PDE12: variants seen among roughly 807,000 people sequenced by gnomAD.
PDE12 encodes the protein 2',5'-phosphodiesterase 12.
Under a neutral mutation model 45.4 loss-of-function variants are expected in PDE12, and 26 were observed. That is an observed-to-expected ratio of 0.57 (90% confidence interval 0.42 to 0.79). The LOEUF is 0.79. Among genes scored for constraint, PDE12 ranks in the 30% least tolerant of loss-of-function variants. The pLI, the probability that PDE12 is intolerant of heterozygous loss-of-function variation, is 0.00. For synonymous variants in PDE12, 283 were observed against 323.9 expected (o/e 0.87, Z 1.36); for missense variants, 668 against 790.0 (o/e 0.85, Z 1.85).
chr3:57,622,436 T>C, the PDE12 span, among the ~76,000 whole-genome samples: 2 of 152,310 alleles, frequency 1.3e-5, no homozygotes, highest in African/African-American at 4.8e-5. Flanking sequence ...AAAATGTTAG[T>C]TGGGACATGG....
chr3:57,614,471 TCATTATA>T, the PDE12 span, among the ~76,000 whole-genome samples: 1 of 151,464 alleles, frequency 6.6e-6, no homozygotes, highest in Non-Finnish European at 1.5e-5. Context: ...GATCAAGAAG[TCATTATA>T]TAAAAAAGAC....
At chr3:57,573,586 C>T in the PDE12 span, among the ~76,000 whole-genome samples, 2 of 152,014 alleles carry the variant, frequency 1.3e-5, no homozygotes, top group Non-Finnish European at 2.9e-5. Context: ...ATTGATTGAT[C>T]GACTGATTGT....
At chr3:57,624,880 CAAT>C in the PDE12 span, among the ~76,000 whole-genome samples, 1 of 152,178 alleles carries the variant, frequency 6.6e-6, no homozygotes, top group Non-Finnish European at 1.5e-5. Flanking sequence ...GAGAATCTAG[CAAT>C]AATTGAGTTT....
At chr3:57,652,504 C>T in the PDE12 span, among the ~76,000 whole-genome samples, 1 of 152,188 alleles carries the variant, frequency 6.6e-6, no homozygotes, top group Admixed American at 6.5e-5. Context: ...CTAAGCAGCT[C>T]CCAGATTTCC....
chr3:57,644,563 C>T, the PDE12 span, among the ~76,000 whole-genome samples: 1 of 150,520 alleles, frequency 6.6e-6, no homozygotes, highest in Non-Finnish European at 1.5e-5. Context: ...CCGCCTCAGC[C>T]TACCAAAGTG....
At chr3:57,601,350 C>T in the PDE12 span, among the ~76,000 whole-genome samples, 1 of 152,036 alleles carries the variant, frequency 6.6e-6, no homozygotes. Context: ...CCTAGGTGGT[C>T]CACCCACCTC....
At chr3:57,559,274 G>A in intron 1 of PDE12, 36 bp from the exon 2 acceptor site, 1 of 1,488,050 alleles carries the variant, frequency 6.7e-7, no homozygotes, top group South Asian at 1.2e-5. Flanking sequence ...ATTTGCAAAT[G>A]CCAACTGAAC....
the PDE12 span, among the ~76,000 whole-genome samples, chr3:57,632,037 T>C: frequency 1.4e-5 from 2 of 145,236 alleles, no homozygotes; most frequent in Admixed American, 1.4e-4. Context: ...TTTTTTTTTT[T>C]TGAGACGGAG....
chr3:57,616,274 T>C, the PDE12 span, among the ~76,000 whole-genome samples: 1 of 151,772 alleles, frequency 6.6e-6, no homozygotes, highest in Admixed American at 6.6e-5. Flanking sequence ...CAGTGAGACA[T>C]GATTGCACCA....
the PDE12 span, among the ~76,000 whole-genome samples, chr3:57,615,490 A>G: frequency 2.6e-5 from 4 of 152,120 alleles, no homozygotes; most frequent in Non-Finnish European, 4.4e-5. Flanking sequence ...ACCAAAGTAA[A>G]CAAAAGAAAG....
the PDE12 span, among the ~76,000 whole-genome samples, chr3:57,607,113 G>A: frequency 1.1e-4 from 16 of 152,268 alleles, no homozygotes; most frequent in South Asian, 4.2e-4. Context: ...TGCAGCCTCC[G>A]CTGCTGATAC....
chr3:57,567,311 CAA>C (rs373564365), downstream of PDE12, among the ~76,000 whole-genome samples: 4 of 115,300 alleles, frequency 3.5e-5, no homozygotes, highest in Admixed American at 1.8e-4. Flanking sequence ...GACTCCGTGT[CAA>C]AAAAAAAAAA....
the PDE12 span, chr3:57,645,845 C>T: frequency 5.8e-6 from 5 of 856,656 alleles, no homozygotes; most frequent in Non-Finnish European, 9.2e-6. Context: ...AAACGGTATA[C>T]ACACAAAGGG....
the PDE12 span, among the ~76,000 whole-genome samples, chr3:57,593,398 GAAAC>G: frequency 1.3e-5 from 2 of 151,996 alleles, no homozygotes; most frequent in Admixed American, 6.6e-5. Context: ...AATATGCTAA[GAAAC>G]AAATATAAAA....
the PDE12 span, among the ~76,000 whole-genome samples, chr3:57,588,544 C>CA: frequency 9.0e-4 from 135 of 149,364 alleles, no homozygotes; most frequent in African/African-American, 3.1e-3. Context: ...CCTGTCACTA[C>CA]AAAAAATACA....
chr3:57,561,707 T>G lies in PDE12; in HGVS notation c.*1703T>G, dbSNP rs759700435. 8.0e-5 allele frequency: 79 copies of G among 985,016 alleles called. No individual in the cohort carries two copies. The highest frequency in any genetic ancestry group is 8.9e-5 in the Non-Finnish European group (74 of 829,678). The allele number at this position is 985,016 out of a possible 1,614,324, so 61.0% of individuals were successfully genotyped here. Reference sequence around the variant, plus strand: ...TGATTTTCCCCAGTCATGAAAGCCCTTGTTTCAAATTCTTTAATCTCTGAA... The same window carrying G: ...TGATTTTCCCCAGTCATGAAAGCCCGTGTTTCAAATTCTTTAATCTCTGAA... On this transcript the variant is annotated 3_prime_UTR_variant, in exon 3 of 3. Transcript: ENST00000311180.
the PDE12 span, among the ~76,000 whole-genome samples, chr3:57,623,090 G>T: frequency 6.6e-6 from 1 of 152,066 alleles, no homozygotes; most frequent in South Asian, 2.1e-4. Context: ...TATGTCTATT[G>T]TACCTCAATA....
At chr3:57,609,698 C>T in the PDE12 span, among the ~76,000 whole-genome samples, 2 of 152,142 alleles carry the variant, frequency 1.3e-5, no homozygotes, top group East Asian at 1.9e-4. Context: ...AAGTCGAATC[C>T]CTGAATAGAC....
the PDE12 span, among the ~76,000 whole-genome samples, chr3:57,605,074 A>G: frequency 7.2e-5 from 11 of 152,302 alleles, no homozygotes; most frequent in African/African-American, 2.6e-4. Flanking sequence ...ACTGGATACC[A>G]GGCATCAAAG....
Sources: gnomAD v4.1 joint callset for allele counts (sites outside exome capture counted in the v4.1 genomes callset) on GRCh38, gnomAD v4.1.1 for gene constraint, MANE v1.5 for transcripts, NCBI Gene and HGNC (gene_info 2026-07-23, HGNC 2026-07-21) for gene names.